The following SORBS2 variants were observed in gnomAD, a reference collection of about 807,000 sequenced individuals.
SORBS2 encodes the protein sorbin and SH3 domain containing 2, also known as sorbin and SH3 domain-containing protein 2.
In SORBS2, 46 loss-of-function variants were observed where a neutral mutation model predicts 97.7. That is an observed-to-expected ratio of 0.47 (90% CI 0.37 to 0.60). The LOEUF (loss-of-function observed/expected upper bound fraction) is 0.60. SORBS2 is among the 20% of genes least tolerant of loss of function. The pLI, the probability that SORBS2 is intolerant of heterozygous loss-of-function variation, is 0.00. For synonymous variants in SORBS2, 476 were observed against 473.4 expected, an observed-to-expected ratio of 1.01 and a Z score of -0.07; for missense variants, 1,316 against 1,282.3, an observed-to-expected ratio of 1.03 and a Z score of -0.40.
chr4:185,913,479 C>T (rs1352357294), intron 1 of SORBS2, among the ~76,000 whole-genome samples: 1 of 152,174 alleles, frequency 6.6e-6, no homozygotes, highest in Non-Finnish European at 1.5e-5. Context: ...GAGTCTAAAC[C>T]AATACAATCA....
intron 1 of SORBS2, among the ~76,000 whole-genome samples, chr4:185,844,367 G>A (rs1052046987): frequency 1.3e-5 from 2 of 152,174 alleles, no homozygotes; most frequent in Admixed American, 6.5e-5. Flanking sequence ...GCCCAACAGC[G>A]TTGGTCACCA....
chr4:185,667,902 T>C (rs1395670434), intron 4 of SORBS2, among the ~76,000 whole-genome samples: 1 of 152,020 alleles, frequency 6.6e-6, no homozygotes, highest in African/African-American at 2.4e-5. Context: ...TCTAACTTAA[T>C]GTATTAAAAT....
chr4:185,711,218 C>A (rs2098417875), intron 2 of SORBS2, among the ~76,000 whole-genome samples: 1 of 151,958 alleles, frequency 6.6e-6, no homozygotes, highest in Admixed American at 6.6e-5. Flanking sequence ...CCATCTCAGC[C>A]TCTCCCATCT....
chr4:185,941,194 C>G lies in SORBS2; in HGVS notation c.-338+15002G>C, dbSNP rs138253374. 5.9e-5 allele frequency among the ~76,000 whole-genome samples: 9 copies of G among 152,306 alleles called. No individual in the cohort carries two copies. The East Asian group carries it at 1.7e-3, about 29-fold the overall frequency. On this transcript the variant is annotated intron_variant, in intron 1 of 20. Coordinates refer to the SORBS2 transcript ENST00000284776. ...TCTAAAGTTTTTACATTTATTTCCT[C>G]TTTAATCCTCATGTTCCAACCATAT...
chr4:185,651,781 T>A lies in SORBS2; in HGVS notation c.91+881A>T. ...TCATTGCGAGCAAGGAAACCCATCC[T>A]ACCTGCATTGTATGTATAAGGAGTA... On this transcript the variant is annotated intron_variant, in intron 2 of 14. Coordinates refer to ENST00000418609, the Ensembl canonical transcript of SORBS2. 6.7e-7 allele frequency: 1 copy of A among 1,498,648 alleles called. No homozygotes were observed. Among genetic ancestry groups the A allele is most frequent in the Non-Finnish European group, 9.3e-7 (1 of 1,077,346 alleles). The allele number at this position is 1,498,648 out of a possible 1,614,324, so 92.8% of individuals were successfully genotyped here.
chr4:185,874,957 A>G (rs918994299), intron 1 of SORBS2, among the ~76,000 whole-genome samples: 1 of 147,822 alleles, frequency 6.8e-6, no homozygotes, highest in Admixed American at 6.8e-5. Flanking sequence ...TTTTATTTTT[A>G]TTATGGAATA....
At chr4:185,895,157 A>G (rs1451390298) in intron 1 of SORBS2, among the ~76,000 whole-genome samples, 1 of 152,248 alleles carries the variant, frequency 6.6e-6, no homozygotes, top group Non-Finnish European at 1.5e-5. Flanking sequence ...GGGGGCCAAA[A>G]TTCTCATTCT....
At chr4:185,734,732 A>G (rs2098671564) in intron 2 of SORBS2, among the ~76,000 whole-genome samples, 1 of 152,180 alleles carries the variant, frequency 6.6e-6, no homozygotes, top group Admixed American at 6.5e-5. Context: ...AGTCATTTCC[A>G]GCATTTTAAA....
intron 1 of SORBS2, among the ~76,000 whole-genome samples, chr4:185,906,713 T>C (rs2099251079): frequency 6.6e-6 from 1 of 152,230 alleles, no homozygotes; most frequent in Non-Finnish European, 1.5e-5. Context: ...ATGACTCTAA[T>C]ACATGTGAAT....
At chr4:185,945,461 A>G (rs2099274101) in intron 1 of SORBS2, among the ~76,000 whole-genome samples, 1 of 152,242 alleles carries the variant, frequency 6.6e-6, no homozygotes, top group South Asian at 2.1e-4. Flanking sequence ...CATAACAAGA[A>G]TGAAAAATGA....
At chr4:185,861,722 C>T (rs2099223903) in intron 1 of SORBS2, among the ~76,000 whole-genome samples, 1 of 151,994 alleles carries the variant, frequency 6.6e-6, no homozygotes, top group Non-Finnish European at 1.5e-5. Context: ...CCTCCTGCCT[C>T]AGCCTCCCAA....
intron 1 of SORBS2, among the ~76,000 whole-genome samples, chr4:185,909,389 G>A (rs1321070869): frequency 6.6e-6 from 1 of 152,116 alleles, no homozygotes; most frequent in Non-Finnish European, 1.5e-5. Context: ...AGGGCTAGGG[G>A]TATGTGGGGA....
intron 1 of SORBS2, among the ~76,000 whole-genome samples, chr4:185,852,487 T>C (rs918042045): frequency 2.0e-5 from 3 of 152,214 alleles, no homozygotes; most frequent in Admixed American, 6.5e-5. Context: ...TGGGAACATT[T>C]TAATTTGAGT....
chr4:185,697,193 C>G (rs2098187990), intron 2 of SORBS2, among the ~76,000 whole-genome samples: 1 of 152,202 alleles, frequency 6.6e-6, no homozygotes, highest in Non-Finnish European at 1.5e-5. Context: ...TGGCATTATT[C>G]CCATTCACTA....
At chr4:185,730,010 T>C (rs1421872717) in intron 2 of SORBS2, among the ~76,000 whole-genome samples, 1 of 152,140 alleles carries the variant, frequency 6.6e-6, no homozygotes, top group African/African-American at 2.4e-5. Flanking sequence ...TGGAGTGCAG[T>C]AGAGCCATCT....
At chr4:185,661,528 A>G (rs2097522301), upstream of SORBS2, among the ~76,000 whole-genome samples, 1 of 152,166 alleles carries the variant, frequency 6.6e-6, no homozygotes, top group Non-Finnish European at 1.5e-5. Context: ...GCTCTATACA[A>G]TGACAGAACC....
intron 1 of SORBS2, among the ~76,000 whole-genome samples, chr4:185,926,272 C>T (rs1205457135): frequency 6.6e-6 from 1 of 152,188 alleles, no homozygotes; most frequent in Non-Finnish European, 1.5e-5. Context: ...GCATAGTTTC[C>T]AGGCAAGAAG....
chr4:185,745,744 T>C (rs930880779), intron 2 of SORBS2, among the ~76,000 whole-genome samples: 10 of 152,210 alleles, frequency 6.6e-5, no homozygotes, highest in African/African-American at 2.4e-4. Flanking sequence ...CGGATATATT[T>C]CATTTTTAAG....
At chr4:185,644,711 C>T (rs2097180433) in intron 4 of SORBS2, among the ~76,000 whole-genome samples, 1 of 152,206 alleles carries the variant, frequency 6.6e-6, no homozygotes, top group Admixed American at 6.5e-5. Flanking sequence ...TTACTAATTA[C>T]AGCGCCTGGC....
Sources: allele counts gnomAD v4.1 joint callset (sites outside exome capture counted in the v4.1 genomes callset), GRCh38; gene constraint gnomAD v4.1.1; transcripts MANE v1.5; gene names NCBI Gene and HGNC (gene_info 2026-07-23, HGNC 2026-07-21).